TAF12: variants seen among roughly 807,000 people sequenced by gnomAD.
TAF12 encodes transcription initiation factor TFIID subunit 12.
TAF12 carries 3 observed loss-of-function variants against 20.8 expected under a neutral mutation model. The observed-to-expected ratio is 0.14, with a 90% CI of 0.07 to 0.37. The LOEUF (loss-of-function observed/expected upper bound fraction) is 0.37, where lower values mean the gene tolerates loss of function less well. TAF12 is among the 10% of genes least tolerant of loss of function. TAF12 has a pLI of 1.00. For missense variants in TAF12, 131 were observed against 197.9 expected (o/e 0.66, Z 2.03); for synonymous variants, 69 against 70.2 (o/e 0.98, Z 0.09).
In TAF12 at chr1:28,613,327, C is replaced by T. The variant is rs957391314; in HGVS notation, c.281G>A (p.Ser94Asn). The T allele has an allele frequency of 5.6e-6, 9 of 1,611,766 alleles. No homozygotes were observed. The highest frequency in any genetic ancestry group is 2.2e-5 in the East Asian group (1 of 44,864). The change falls in exon 4 of 6, where the codon AGT (serine) becomes AAT (asparagine). Residue 94 changes from serine to asparagine, a missense_variant. Transcript: ENST00000373824. ...LLQIADDFIE[S>N]VVTAACQLAR... ...AAGCTGACAGGCTGCTGTCACCACA[C>T]TCTCGATAAAATCATCAGCAATCTG... is the stretch of plus-strand genomic sequence containing the variant.
upstream of TAF12, among the ~76,000 whole-genome samples, chr1:28,648,022 C>T (rs1163080211): frequency 7.9e-5 from 12 of 152,124 alleles, no homozygotes; most frequent in Admixed American, 7.9e-4. Flanking sequence ...CTTCGAAGTG[C>T]AGCATATAGC....
At chr1:28,605,238 A>T in intron 5 of TAF12, 134 bp downstream of exon 5, 1 of 828,642 alleles carries the variant, frequency 1.2e-6, no homozygotes, top group Non-Finnish European at 2.0e-6. Flanking sequence ...GCCCTCTCTG[A>T]CCCTTGCTCC....
At chr1:28,647,766 T>G (rs995230903), upstream of TAF12, among the ~76,000 whole-genome samples, 1 of 151,738 alleles carries the variant, frequency 6.6e-6, no homozygotes, top group Non-Finnish European at 1.5e-5. Flanking sequence ...CCTAGCTACT[T>G]GGGAGGCTGA....
chr1:28,604,114 G>A (rs891460088), intron 5 of TAF12, among the ~76,000 whole-genome samples: 6 of 151,864 alleles, frequency 4.0e-5, no homozygotes, highest in Non-Finnish European at 7.4e-5. Context: ...TACATTGGCC[G>A]GGCTGGTGTC....
At chr1:28,643,095 A>T, upstream of TAF12, 1 of 985,776 alleles carries the variant, frequency 1.0e-6, no homozygotes, top group Non-Finnish European at 1.2e-6. Flanking sequence ...TACTTCCGGC[A>T]CCGCTCCCCG....
At chr1:28,607,965 C>G (rs1666722442) in intron 4 of TAF12, among the ~76,000 whole-genome samples, 1 of 151,764 alleles carries the variant, frequency 6.6e-6, no homozygotes. Context: ...GGTGAAACCT[C>G]CTATCTACTA....
chr1:28,617,088 C>A (rs978635180), intron 3 of TAF12, among the ~76,000 whole-genome samples: 3 of 151,978 alleles, frequency 2.0e-5, no homozygotes, highest in Non-Finnish European at 4.4e-5. Context: ...CCATTGCACT[C>A]CAGCGTGGGC....
intron 1 of TAF12, among the ~76,000 whole-genome samples, chr1:28,639,427 A>C (rs1167544634): frequency 1.0e-5 from 1 of 99,028 alleles, no homozygotes; most frequent in Non-Finnish European, 2.1e-5. Flanking sequence ...TCCGTCTCAC[A>C]AAAAAAAAAA....
chr1:28,603,936 G>A (rs1392160143), intron 5 of TAF12, among the ~76,000 whole-genome samples: 1 of 148,762 alleles, frequency 6.7e-6, no homozygotes, highest in Non-Finnish European at 1.5e-5. Context: ...ATGGAATCTC[G>A]CTCTGTTGCC....
chr1:28,619,913 C>T (rs1667155812), intron 2 of TAF12, among the ~76,000 whole-genome samples: 1 of 150,258 alleles, frequency 6.7e-6, no homozygotes, highest in Non-Finnish European at 1.5e-5. Context: ...TATGCCATTG[C>T]ACTCCATCCT....
intron 1 of TAF12, among the ~76,000 whole-genome samples, chr1:28,632,327 T>A (rs1265553520): frequency 6.6e-6 from 1 of 152,050 alleles, no homozygotes. Context: ...TCCCAGCTAC[T>A]CGGGAGGCTG....
intron 4 of TAF12, among the ~76,000 whole-genome samples, chr1:28,613,022 T>C (rs1429315488): frequency 6.6e-6 from 1 of 152,208 alleles, no homozygotes; most frequent in East Asian, 1.9e-4. Context: ...AATAGGCTGA[T>C]ACAACTAGAA....
At chr1:28,647,030 C>T (rs1276939449), upstream of TAF12, among the ~76,000 whole-genome samples, 1 of 151,756 alleles carries the variant, frequency 6.6e-6, no homozygotes, top group African/African-American at 2.4e-5. Flanking sequence ...GACAGGGTTT[C>T]ACCATGTTGG....
At chr1:28,635,887 C>CT (rs754243677) in intron 1 of TAF12, among the ~76,000 whole-genome samples, 23 of 151,720 alleles carry the variant, frequency 1.5e-4, no homozygotes, top group African/African-American at 5.3e-4. Flanking sequence ...CCTTCAAAAC[C>CT]TTTTTTTACC....
intron 2 of TAF12, among the ~76,000 whole-genome samples, chr1:28,620,784 A>C (rs1057483659): frequency 3.1e-4 from 47 of 151,966 alleles, no homozygotes; most frequent in Non-Finnish European, 4.4e-4. Context: ...ATTGCACTCT[A>C]GCCCAGGCAA....
At chr1:28,627,101 T>C (rs1667427969) in intron 1 of TAF12, among the ~76,000 whole-genome samples, 1 of 152,008 alleles carries the variant, frequency 6.6e-6, no homozygotes, top group Non-Finnish European at 1.5e-5. Flanking sequence ...ATGAAATAAG[T>C]GGAGGCTGGG....
At chr1:28,615,885 G>A (rs1667026539) in intron 3 of TAF12, among the ~76,000 whole-genome samples, 1 of 152,018 alleles carries the variant, frequency 6.6e-6, no homozygotes, top group South Asian at 2.1e-4. Flanking sequence ...AGAGTGAACC[G>A]AGACCAGCTC....
At chr1:28,643,264 A>C (rs1305367326), upstream of TAF12, 1 of 240,352 alleles carries the variant, frequency 4.2e-6, no homozygotes, top group Non-Finnish European at 6.7e-6. Flanking sequence ...TGGCAGCATG[A>C]GCGAGCTCTG....
chr1:28,612,019 T>C (rs1328552983), intron 4 of TAF12, among the ~76,000 whole-genome samples: 1 of 152,200 alleles, frequency 6.6e-6, no homozygotes, highest in African/African-American at 2.4e-5. Flanking sequence ...CAACATTACC[T>C]GAAGTGTGTT....
Sources: gnomAD v4.1 joint callset for allele counts (sites outside exome capture counted in the v4.1 genomes callset) on GRCh38, gnomAD v4.1.1 for gene constraint, MANE v1.5 for transcripts, NCBI Gene and HGNC (gene_info 2026-07-23, HGNC 2026-07-21) for gene names.